The following KLF8 variants were observed in gnomAD, a reference collection of about 807,000 sequenced individuals.
KLF8 encodes the protein KLF transcription factor 8, also known as Krueppel-like factor 8.
A neutral mutation model predicts 18.2 loss-of-function variants in KLF8; 10 were observed. The ratio of observed to expected loss-of-function variants is 0.55; its 90% CI spans 0.34 to 0.93. The LOEUF (loss-of-function observed/expected upper bound fraction) is 0.93, where lower values mean the gene tolerates loss of function less well. Ranked by LOEUF, KLF8 falls within the 40% of genes least tolerant of loss-of-function variation. The pLI is 0.02. For synonymous variants in KLF8, 109 were observed against 97.3 expected (o/e 1.12, Z -0.71); for missense variants, 264 against 277.9 (o/e 0.95, Z 0.36).
the KLF8 span, among the ~76,000 whole-genome samples, chrX:56,051,183 C>A: frequency 9.0e-6 from 1 of 111,372 alleles, no homozygotes; most frequent in Non-Finnish European, 1.9e-5. Flanking sequence ...AGATGGGTTT[C>A]CTGAATACAG....
the KLF8 span, among the ~76,000 whole-genome samples, chrX:55,958,443 G>A: frequency 1.8e-5 from 2 of 111,971 alleles, no homozygotes; most frequent in African/African-American, 6.5e-5. Flanking sequence ...AGGACTCTCA[G>A]GCTGTGAGAA....
chrX:55,963,921 A>G, the KLF8 span, among the ~76,000 whole-genome samples: 1 of 112,068 alleles, frequency 8.9e-6, no homozygotes, highest in Non-Finnish European at 1.9e-5. Flanking sequence ...TATTCCATCT[A>G]CACTTTTGGA....
chrX:56,248,700 T>A (rs2066661115), intron 1 of KLF8, among the ~76,000 whole-genome samples: 1 of 111,665 alleles, frequency 9.0e-6, no homozygotes, highest in South Asian at 3.8e-4. Context: ...CCCTGTGGGC[T>A]GTATGAGAGT....
Position 56,232,846 on chromosome X carries a change from C to T in KLF8, c.-489C>T. ...TTGGGTTGGTTTTCATAGCCCCCAC[C>T]CCCGGCCCTCTCCTTTTAAAGGGTG... On this transcript the variant is annotated 5_prime_UTR_variant, in exon 1 of 6. Transcript: ENST00000468660. 1 of 110,997 alleles carries T rather than the reference C, an allele frequency of 9.0e-6. No homozygotes were observed. Among genetic ancestry groups the T allele is most frequent in the East Asian group, 2.8e-4 (1 of 3,600 alleles). 9.1% of individuals were successfully genotyped at this position (110,997 alleles called of 1,213,427 possible).
the KLF8 span, among the ~76,000 whole-genome samples, chrX:55,997,149 G>T: frequency 8.9e-6 from 1 of 111,861 alleles, no homozygotes; most frequent in Non-Finnish European, 1.9e-5. Context: ...AGGGACCCTG[G>T]GGGAGGCTGA....
the KLF8 span, among the ~76,000 whole-genome samples, chrX:56,067,236 A>G: frequency 9.5e-6 from 1 of 104,917 alleles, no homozygotes; most frequent in Admixed American, 9.8e-5. Flanking sequence ...CGTGAGTACC[A>G]GATGCCTCTA....
chrX:56,233,804 G>A (rs755628112), intron 1 of KLF8, among the ~76,000 whole-genome samples: 2 of 111,999 alleles, frequency 1.8e-5, no homozygotes, highest in East Asian at 5.6e-4. Context: ...AGTGGTTTAA[G>A]GTGCAAAGTT....
the KLF8 span, among the ~76,000 whole-genome samples, chrX:56,066,616 G>T: frequency 9.0e-6 from 1 of 111,720 alleles, no homozygotes; most frequent in African/African-American, 3.3e-5. Context: ...GCTACTGGGG[G>T]TAGCAGGCTC....
chrX:55,986,670 G>T, the KLF8 span, among the ~76,000 whole-genome samples: 2 of 111,721 alleles, frequency 1.8e-5, no homozygotes, highest in South Asian at 7.5e-4. Flanking sequence ...CACGTTATTT[G>T]CCCACTTTAA....
At chrX:56,086,458 G>A in the KLF8 span, among the ~76,000 whole-genome samples, 1 of 110,392 alleles carries the variant, frequency 9.1e-6, no homozygotes, top group Non-Finnish European at 1.9e-5. Flanking sequence ...TCACTCCTGA[G>A]TTCAAAAACA....
the KLF8 span, among the ~76,000 whole-genome samples, chrX:56,174,626 G>A: frequency 8.9e-6 from 1 of 111,792 alleles, no homozygotes; most frequent in African/African-American, 3.2e-5. Context: ...GAGTTAAGGA[G>A]GATTCCCTCT....
the KLF8 span, among the ~76,000 whole-genome samples, chrX:56,126,410 C>A: frequency 8.9e-6 from 1 of 112,244 alleles, no homozygotes; most frequent in Non-Finnish European, 1.9e-5. Flanking sequence ...TAACTAATCA[C>A]TCCTCGTCTA....
chrX:55,962,565 G>A, the KLF8 span: 1 of 146,501 alleles, frequency 6.8e-6, no homozygotes, highest in East Asian at 1.9e-4. Flanking sequence ...ATGACAGAAG[G>A]TGGATGGTGG....
chrX:56,073,019 C>T, the KLF8 span, among the ~76,000 whole-genome samples: 1 of 103,610 alleles, frequency 9.7e-6, no homozygotes, highest in African/African-American at 3.6e-5. Context: ...CGGAGTCTCA[C>T]TCTGTCGCCC....
At chrX:56,035,047 G>A in the KLF8 span, among the ~76,000 whole-genome samples, 5 of 111,582 alleles carry the variant, frequency 4.5e-5, no homozygotes, top group Admixed American at 1.9e-4. Flanking sequence ...GAGCCACAGC[G>A]CCCGGCCGAA....
the KLF8 span, among the ~76,000 whole-genome samples, chrX:56,081,525 A>C: frequency 8.9e-6 from 1 of 112,007 alleles, no homozygotes; most frequent in Non-Finnish European, 1.9e-5. Context: ...TTTCAATAGC[A>C]GTGGTGAAAG....
At chrX:56,062,525 G>A in the KLF8 span, among the ~76,000 whole-genome samples, 1 of 112,057 alleles carries the variant, frequency 8.9e-6, no homozygotes, top group East Asian at 2.8e-4. Flanking sequence ...ACTCTCTTCT[G>A]GCTTGTAGGG....
At chrX:56,035,007 G>A in the KLF8 span, among the ~76,000 whole-genome samples, 9,725 of 109,734 alleles carry the variant, frequency 0.089, 1,079 homozygotes, top group African/African-American at 0.31. Flanking sequence ...CGCCCGCCTC[G>A]GCCTCCCAAA....
At chrX:56,022,453 G>A in the KLF8 span, among the ~76,000 whole-genome samples, 1 of 103,196 alleles carries the variant, frequency 9.7e-6, no homozygotes, top group Non-Finnish European at 1.9e-5. Flanking sequence ...GGAGGCTGAG[G>A]CAGGAGAATG....
Sources: allele counts gnomAD v4.1 joint callset (sites outside exome capture counted in the v4.1 genomes callset), GRCh38; gene constraint gnomAD v4.1.1; transcripts MANE v1.5; gene names NCBI Gene and HGNC (gene_info 2026-07-23, HGNC 2026-07-21).